MARCHF10: variants seen among roughly 807,000 people sequenced by gnomAD.
The protein encoded by MARCHF10 is membrane associated ring-CH-type finger 10.
MARCHF10 carries 64 observed loss-of-function variants against 76.2 expected under a neutral mutation model. The ratio of observed to expected loss-of-function variants is 0.84; its 90% CI spans 0.69 to 1.03. MARCHF10 has a LOEUF of 1.03. Ranked by LOEUF, MARCHF10 falls within the 50% of genes least tolerant of loss-of-function variation. The pLI is 0.00. For missense variants in MARCHF10, 875 were observed against 958.0 expected (o/e 0.91, Z 1.14); for synonymous variants, 340 against 357.5 (o/e 0.95, Z 0.55).
chr17:62,710,866 C>T (rs2089893605), intron 9 of MARCHF10, among the ~76,000 whole-genome samples: 1 of 152,096 alleles, frequency 6.6e-6, no homozygotes, highest in Non-Finnish European at 1.5e-5. Flanking sequence ...CAGCCAGGTT[C>T]CTCTTTTTCG....
chr17:62,766,343 A>G (rs1275207253), intron 3 of MARCHF10, among the ~76,000 whole-genome samples: 1 of 152,094 alleles, frequency 6.6e-6, no homozygotes, highest in East Asian at 1.9e-4. Flanking sequence ...TCTACTAAAA[A>G]TACAAAATTA....
chr17:62,783,245 A>T (rs2092693708), intron 3 of MARCHF10, among the ~76,000 whole-genome samples: 1 of 143,900 alleles, frequency 6.9e-6, no homozygotes, highest in Non-Finnish European at 1.5e-5. Context: ...TTTTCTTAAA[A>T]AAATGTTGTA....
At position 62,736,618 on chromosome 17, in the gene MARCHF10, G is replaced by C. The variant is rs754057859; in HGVS notation, c.1250C>G (p.Ala417Gly). The C allele has an allele frequency of 9.9e-6, 16 of 1,614,148 alleles. No individual in the cohort carries two copies. Among genetic ancestry groups the C allele is most frequent in the Non-Finnish European group, 1.4e-5 (16 of 1,180,034 alleles). The change falls in exon 6 of 11, where the codon GCT becomes GGT. Residue 417 changes from alanine (A) to glycine (G), a missense_variant. Physicochemically the swap from Ala to Gly is moderately conservative, Grantham distance 60 (BLOSUM62 0). Transcript: ENST00000311269. ...SEPRQEVGVN[A>G]ENVWSDCISV... ...AATACAATCACTCCATACATTTTCA[G>C]CATTGACACCAACCTCTTGTCTGGG...
intron 3 of MARCHF10, among the ~76,000 whole-genome samples, chr17:62,770,418 G>A (rs972774476): frequency 2.0e-5 from 3 of 152,058 alleles, no homozygotes; most frequent in Non-Finnish European, 4.4e-5. Flanking sequence ...TGGAAGCTTT[G>A]TTTTAAGTAA....
At position 62,736,022 on chromosome 17, in the gene MARCHF10, C is replaced by T; in HGVS notation, c.1846G>A (p.Gly616Arg). The change falls in exon 6 of 11, where the codon GGG (glycine) becomes AGG (arginine). Residue 616 changes from glycine (G) to arginine (R), a missense_variant. Gly to Arg is a moderately radical substitution (Grantham distance 125). Coordinates refer to ENST00000311269, the MANE Select transcript of MARCHF10 (RefSeq NM_152598.4). ...VSHFPNQNDNGSRMAASGFTD... is the reference protein window; with the variant it reads ...VSHFPNQNDNRSRMAASGFTD... ...AAACCAGAGGCTGCCATCCTGCTCC[C>T]ATTATCATTTTGATTTGGGAAATGA... 2 of 1,614,150 alleles carry T rather than the reference C, an allele frequency of 1.2e-6. No individual in the cohort carries two copies. The highest frequency in any genetic ancestry group is 1.7e-6 in the Non-Finnish European group (2 of 1,180,034).
At chr17:62,722,099 A>G (rs1435315550) in intron 8 of MARCHF10, among the ~76,000 whole-genome samples, 2 of 152,056 alleles carry the variant, frequency 1.3e-5, no homozygotes, top group Non-Finnish European at 2.9e-5. Flanking sequence ...GCTGGCCAAC[A>G]TGGAGAAACC....
rs753733114 is a variant in MARCHF10 at position 62,701,585 on chromosome 17, A to G, written c.*118T>C. The G allele has an allele frequency of 9.4e-5, 150 of 1,592,092 alleles. No individual in the cohort carries two copies. Among genetic ancestry groups the G allele is most frequent in the Non-Finnish European group, 1.3e-4 (150 of 1,172,424 alleles). The stretch of plus-strand genomic sequence containing the variant: ...GAGAGTGGCACGAGGTGAAAATCTA[A>G]CTGTGAACGCTTTGGTTTCAGTTTC... On this transcript the variant is annotated 3_prime_UTR_variant, in exon 11 of 11. Transcript: ENST00000311269.
intron 2 of MARCHF10, among the ~76,000 whole-genome samples, chr17:62,793,669 C>T: frequency 6.7e-6 from 1 of 150,360 alleles, no homozygotes; most frequent in African/African-American, 2.4e-5. Context: ...CATCAACCAC[C>T]ACCACCTCCA....
intron 4 of MARCHF10, among the ~76,000 whole-genome samples, chr17:62,759,232 G>A (rs1316372494): frequency 6.6e-6 from 1 of 152,194 alleles, no homozygotes; most frequent in Non-Finnish European, 1.5e-5. Flanking sequence ...GGGGCCAAAT[G>A]CCTTTATCCC....
At chr17:62,717,594 G>C (rs2090277951) in intron 8 of MARCHF10, among the ~76,000 whole-genome samples, 1 of 152,236 alleles carries the variant, frequency 6.6e-6, no homozygotes, top group South Asian at 2.1e-4. Context: ...GAGGGCGGAG[G>C]AGGGAGAAGC....
At chr17:62,793,350 C>T (rs2092911245) in intron 2 of MARCHF10, among the ~76,000 whole-genome samples, 1 of 142,324 alleles carries the variant, frequency 7.0e-6, no homozygotes, top group African/African-American at 2.6e-5. Context: ...CATCAACCAC[C>T]ACCATCACAC....
chr17:62,716,514 T>A (rs1473235415), intron 8 of MARCHF10, among the ~76,000 whole-genome samples: 3 of 151,406 alleles, frequency 2.0e-5, no homozygotes, highest in Non-Finnish European at 2.9e-5. Context: ...GGCAGGAGGA[T>A]CCCTTGAACC....
At chr17:62,758,320 G>A (rs971230699) in intron 4 of MARCHF10, among the ~76,000 whole-genome samples, 1 of 152,164 alleles carries the variant, frequency 6.6e-6, no homozygotes, top group Non-Finnish European at 1.5e-5. Flanking sequence ...CTGCACTCCA[G>A]CCTGGGCAAC....
chr17:62,800,451 C>T (rs550626491), intron 2 of MARCHF10, among the ~76,000 whole-genome samples: 1 of 152,294 alleles, frequency 6.6e-6, no homozygotes, highest in South Asian at 2.1e-4. Context: ...TCGATTTTCT[C>T]GTCTTCTTAT....
At chr17:62,746,875 A>C (rs760468415) in intron 4 of MARCHF10, 1 of 1,535,540 alleles carries the variant, frequency 6.5e-7, no homozygotes, top group Non-Finnish European at 8.7e-7. Flanking sequence ...CTTCACAGGG[A>C]GGGATGCTTC....
Position 62,711,042 on chromosome 17 carries a change from G to A in MARCHF10, c.2328+189C>T, listed in dbSNP as rs570348520. Among the ~76,000 whole-genome samples, 1 of 152,210 alleles carries A rather than the reference G, an allele frequency of 6.6e-6. No individual in the cohort carries two copies. The highest frequency in any genetic ancestry group is 2.1e-4 in the South Asian group (1 of 4,814). ...TTTAATAATAAGCAATTATGTGATC[G>A]TCACTTACTTTTCAGCCAGAGGGTC... is the stretch of plus-strand genomic sequence containing the variant. On this transcript the variant is annotated intron_variant, in intron 9 of 10. Transcript: ENST00000311269. This position sits in a 1 kb window ranked among gnomAD's most constrained non-coding sequence, Gnocchi z 4.4.
intron 3 of MARCHF10, 132 bp from the exon 4 acceptor site, chr17:62,760,138 C>T (rs1001774489): frequency 3.5e-5 from 24 of 691,178 alleles, no homozygotes; most frequent in South Asian, 9.5e-5. Context: ...CAGGTCAACA[C>T]GCCCGTTCAC....
intron 1 of MARCHF10, chr17:62,806,797 T>G (rs2093171387): frequency 6.6e-6 from 1 of 152,250 alleles, no homozygotes; most frequent in African/African-American, 2.4e-5. Flanking sequence ...GCAGAATGTT[T>G]TTCAGTGCTC....
At chr17:62,792,347 T>C (rs1176766357) in intron 2 of MARCHF10, among the ~76,000 whole-genome samples, 1 of 152,068 alleles carries the variant, frequency 6.6e-6, no homozygotes, top group East Asian at 1.9e-4. Context: ...CTAATGCCAT[T>C]GATTCTTGCT....
Sources: gnomAD v4.1 joint callset for allele counts (sites outside exome capture counted in the v4.1 genomes callset) on GRCh38, gnomAD v4.1.1 for gene constraint, Gnocchi (gnomAD v3.1) non-coding constraint, MANE v1.5 for transcripts, NCBI Gene and HGNC (gene_info 2026-07-23, HGNC 2026-07-21) for gene names.